The following EPB41L2 variants were observed in gnomAD, a reference collection of about 807,000 sequenced individuals.
The protein encoded by EPB41L2 is band 4.1-like protein 2.
Under a neutral mutation model 113.0 loss-of-function variants are expected in EPB41L2, and 43 were observed. The ratio of observed to expected loss-of-function variants is 0.38; its 90% CI spans 0.30 to 0.49. EPB41L2 has a LOEUF of 0.49. Among genes scored for constraint, EPB41L2 ranks in the 20% least tolerant of loss-of-function variants. The probability of loss-of-function intolerance (pLI) is 0.95; values close to 1 mark genes in which losing one functional copy is unlikely to be tolerated. For synonymous variants in EPB41L2, 442 were observed against 436.7 expected, an observed-to-expected ratio of 1.01 and a Z score of -0.15; for missense variants, 1,147 against 1,223.4, an observed-to-expected ratio of 0.94 and a Z score of 0.93.
chr6:130,874,157 T>A (rs879753023), intron 14 of EPB41L2, among the ~76,000 whole-genome samples: 2 of 152,190 alleles, frequency 1.3e-5, no homozygotes, highest in East Asian at 3.9e-4. Context: ...TTAAGAGGAT[T>A]ACAATAGAGT....
At position 130,863,672 on chromosome 6, in the gene EPB41L2, A is replaced by G; in HGVS notation, c.2876T>C (p.Val959Ala). ...ATCAATATCTCCATCTCCTGTGATC[A>G]CAATGCGTTTCTCAATTCTTGTTTC... is the stretch of plus-strand genomic sequence containing the variant. ...ISETRIEKRIVITGDGDIDHD... is the reference protein window; with the variant it reads ...ISETRIEKRIAITGDGDIDHD... The change falls in exon 18 of 20, where the codon GTG becomes GCG. Residue 959 changes from valine to alanine, a missense_variant. Coordinates refer to ENST00000337057, the MANE Select transcript of EPB41L2 (RefSeq NM_001431.4). The G allele has an allele frequency of 6.2e-7, 1 of 1,613,726 alleles. No homozygotes were observed. Among genetic ancestry groups the G allele is most frequent in the Non-Finnish European group, 8.5e-7 (1 of 1,179,622 alleles).
chr6:130,859,128 A>G (rs993723761), intron 18 of EPB41L2, among the ~76,000 whole-genome samples: 2 of 152,152 alleles, frequency 1.3e-5, no homozygotes, highest in South Asian at 2.1e-4. Flanking sequence ...GAAAGATCCT[A>G]TTTTTCAGAG....
intron 4 of EPB41L2, among the ~76,000 whole-genome samples, chr6:130,918,102 G>A (rs527349871): frequency 6.6e-6 from 1 of 152,282 alleles, no homozygotes; most frequent in South Asian, 2.1e-4. Flanking sequence ...GTATCACAGT[G>A]AAACATTCAC....
intron 4 of EPB41L2, among the ~76,000 whole-genome samples, chr6:130,920,699 A>G (rs1350264727): frequency 6.6e-6 from 1 of 151,996 alleles, no homozygotes; most frequent in Non-Finnish European, 1.5e-5. Context: ...TTCTAGAGAC[A>G]GAGTCTCACT....
At chr6:130,983,614 A>T (rs145302231) in intron 1 of EPB41L2, among the ~76,000 whole-genome samples, 282 of 150,896 alleles carry the variant, frequency 1.9e-3, no homozygotes, top group African/African-American at 6.4e-3. Flanking sequence ...CTGCAGCCTC[A>T]ACTTCCCGGG....
Position 130,960,497 on chromosome 6 carries a change from G to A in EPB41L2, c.-14-3998C>T, listed in dbSNP as rs544454025. Among the ~76,000 whole-genome samples, 8 of 152,218 alleles carry A rather than the reference G, an allele frequency of 5.3e-5. No homozygotes were observed. The East Asian group carries it at 5.8e-4, about 11-fold the overall frequency. On this transcript the variant is annotated intron_variant, in intron 1 of 19. Coordinates refer to ENST00000337057, the MANE Select transcript of EPB41L2 (RefSeq NM_001431.4). ...ACAAAACCATATGGTTAAGCCTCAC[G>A]AAGTCATCCTCAATCACCACTGTAT...
At chr6:130,961,668 G>C (rs1451314049) in intron 1 of EPB41L2, among the ~76,000 whole-genome samples, 3 of 152,166 alleles carry the variant, frequency 2.0e-5, no homozygotes, top group African/African-American at 7.2e-5. Context: ...AAACATTGAG[G>C]AAACTGGGAC....
rs1775073294 is a variant in EPB41L2, at chr6:130,840,289, A to AGT, written c.*314_*315insAC. ...CATTTGATCAAAGTGAGTCATTAAA[A>AGT]GCAGGTAGTTGCACACAAAGTAAAC... On this transcript the variant is annotated 3_prime_UTR_variant, in exon 20 of 20. Coordinates refer to ENST00000337057, the MANE Select transcript of EPB41L2 (RefSeq NM_001431.4). 6.6e-6 allele frequency: 1 copy of AGT among 152,628 alleles called. No individual in the cohort carries two copies. The highest frequency in any genetic ancestry group is 1.5e-5 in the Non-Finnish European group (1 of 68,040). 9.5% of individuals were successfully genotyped at this position (152,628 alleles called of 1,614,324 possible).
At chr6:130,866,936 C>A (rs752809252) in intron 16 of EPB41L2, among the ~76,000 whole-genome samples, 14 of 151,980 alleles carry the variant, frequency 9.2e-5, no homozygotes, top group Admixed American at 6.5e-5. Flanking sequence ...AATAATTCCA[C>A]ACGAAGGAGA....
chr6:131,022,889 T>C (rs1477219958), intron 1 of EPB41L2, among the ~76,000 whole-genome samples: 1 of 152,254 alleles, frequency 6.6e-6, no homozygotes, highest in Admixed American at 6.5e-5. Flanking sequence ...TGTTTCTGGA[T>C]AAAATTCTTG....
At chr6:131,047,667 G>A (rs953789966) in intron 1 of EPB41L2, among the ~76,000 whole-genome samples, 4 of 152,128 alleles carry the variant, frequency 2.6e-5, no homozygotes, top group African/African-American at 4.8e-5. Flanking sequence ...CCTTCCCCTC[G>A]ATACTGCCAG....
chr6:131,059,242 G>A (rs911036891), intron 1 of EPB41L2, among the ~76,000 whole-genome samples: 4 of 151,500 alleles, frequency 2.6e-5, no homozygotes, highest in African/African-American at 4.9e-5. Context: ...AGCCTCCCGA[G>A]TAGCTGGGAC....
intron 8 of EPB41L2, 139 bp from the exon 9 acceptor site, chr6:130,895,258 C>T (rs906543840): frequency 3.2e-6 from 3 of 929,092 alleles, no homozygotes; most frequent in East Asian, 2.6e-5. Context: ...CAAGTACGCA[C>T]GTTAATGAAA....
intron 1 of EPB41L2, among the ~76,000 whole-genome samples, chr6:131,048,155 A>AAAAG (rs1562797570): frequency 8.5e-5 from 8 of 93,776 alleles, no homozygotes; most frequent in East Asian, 6.5e-4. Flanking sequence ...AAAAAAAAAA[A>AAAAG]AAGAAAAAAA....
At chr6:130,899,367 G>C (rs975470523) in intron 8 of EPB41L2, 124 bp downstream of exon 8, 2 of 713,828 alleles carry the variant, frequency 2.8e-6, no homozygotes, top group African/African-American at 1.8e-5. Flanking sequence ...ATATTCCAGA[G>C]ACCCTCAATT....
chr6:131,058,872 C>T (rs1463472615), intron 1 of EPB41L2, among the ~76,000 whole-genome samples: 1 of 151,982 alleles, frequency 6.6e-6, no homozygotes, highest in East Asian at 1.9e-4. Context: ...AAAAATTAGC[C>T]GGGCATGGTG....
At chr6:130,917,615 TCTC>T (rs1801539878) in intron 4 of EPB41L2, among the ~76,000 whole-genome samples, 1 of 152,016 alleles carries the variant, frequency 6.6e-6, no homozygotes, top group Admixed American at 6.6e-5. Context: ...AATTTCCACT[TCTC>T]CTTGTCGTAT....
chr6:130,892,403 C>CTTTTTTTTTTTTTTTTTTTT lies in EPB41L2; in HGVS notation c.1488-1938_1488-1937insAAAAAAAAAAAAAAAAAAAA, dbSNP rs60350565. Among the ~76,000 whole-genome samples, 120 of 92,606 alleles carry CTTTTTTTTTTTTTTTTTTTT rather than the reference C, an allele frequency of 1.3e-3. 14 individuals are homozygous for CTTTTTTTTTTTTTTTTTTTT. Among genetic ancestry groups the CTTTTTTTTTTTTTTTTTTTT allele is most frequent in the Non-Finnish European group, 1.6e-3 (68 of 41,472 alleles). The allele number at this position is 92,606 out of a possible 152,430, so 60.8% of individuals were successfully genotyped here. A position where few individuals can be genotyped will look rare whatever the true frequency, so the allele number is the denominator to read the frequency against. ...CTTGCCATTTCTGAACAGATTATTG[C>CTTTTTTTTTTTTTTTTTTTT]TTTTTTTTTTTTTTTTTTTATCATT... is the stretch of plus-strand genomic sequence containing the variant. On this transcript the variant is annotated intron_variant, in intron 10 of 19. Transcript: ENST00000337057.
intron 1 of EPB41L2, chr6:131,062,655 T>C (rs1358492338): frequency 2.0e-5 from 3 of 151,400 alleles, no homozygotes; most frequent in Non-Finnish European, 3.0e-5. Flanking sequence ...TCCTAAAACC[T>C]TCCTCCTGAA....
Sources: allele counts gnomAD v4.1 joint callset (sites outside exome capture counted in the v4.1 genomes callset), GRCh38; gene constraint gnomAD v4.1.1; transcripts MANE v1.5; gene names NCBI Gene and HGNC (gene_info 2026-07-23, HGNC 2026-07-21).